Variants in INTS11 observed in about 807,000 individuals in gnomAD.
INTS11 encodes the protein CPSF3-like protein.
In INTS11, 77 loss-of-function variants were observed where a neutral mutation model predicts 78.6. The observed-to-expected ratio is 0.98, with a 90% CI of 0.81 to 1.18. INTS11 has a LOEUF of 1.18. INTS11 is among the 50% of genes most tolerant of loss of function. The probability of loss-of-function intolerance (pLI) is 0.00; values close to 1 mark genes in which losing one functional copy is unlikely to be tolerated. For missense variants in INTS11, 875 were observed against 825.9 expected, an observed-to-expected ratio of 1.06 and a Z score of -0.73; for synonymous variants, 441 against 326.9, an observed-to-expected ratio of 1.35 and a Z score of -3.77.
intron 6 of INTS11, 29 bp downstream of exon 6, chr1:1,315,374 CG>C: frequency 6.2e-7 from 1 of 1,612,840 alleles, no homozygotes; most frequent in Non-Finnish European, 8.5e-7. Flanking sequence ...GGGGGGCCCA[CG>C]GGACAAAAAG....
Position 1,312,213 on chromosome 1 carries a change from G to GCCGGGGGCCCCCCCCCCCCCCCCCCCC in INTS11, c.1607+12_1607+13insGGGGGGGGGGGGGGGGGGGGCCCCCGG. On this transcript the variant is annotated intron_variant, in intron 15 of 16. Transcript: ENST00000435064. ...CCCAAGGGAGTGGGGGGGGGGCGGG[G>GCCGGGGGCCCCCCCCCCCCCCCCCCCC]CCGGGCGCCCACCTCTTGAGGTGGC... 2 of 934,616 alleles carry GCCGGGGGCCCCCCCCCCCCCCCCCCCC rather than the reference G, an allele frequency of 2.1e-6. No individual in the cohort carries two copies. The highest frequency in any genetic ancestry group is 1.6e-6 in the Non-Finnish European group (1 of 636,664). The allele number at this position is 934,616 out of a possible 1,614,324, so 57.9% of individuals were successfully genotyped here. A position where few individuals can be genotyped will look rare whatever the true frequency, so the allele number is the denominator to read the frequency against.
At position 1,314,317 on chromosome 1, in the gene INTS11, G is replaced by A. The variant is rs1024490912; in HGVS notation, c.751C>T (p.Leu251Phe). 1.9e-6 allele frequency: 3 copies of A among 1,604,352 alleles called. No individual in the cohort carries two copies. Among genetic ancestry groups the A allele is most frequent in the African/African-American group, 1.3e-5 (1 of 74,976 alleles). ...ALGRAQELCI[L>F]LETFWERMNL... is the part of the protein sequence containing the mutation. ...GGCACCTACCAGAAGGTCTCCAGGAGGATGCAGAGCTCCTGGGCGCGGCCC... is the reference window on the plus strand; with the variant it reads ...GGCACCTACCAGAAGGTCTCCAGGAAGATGCAGAGCTCCTGGGCGCGGCCC... The change falls in exon 8 of 17, where the codon CTC becomes TTC. Residue 251 changes from leucine to phenylalanine, a missense_variant. Leu to Phe is a conservative substitution (Grantham distance 22, BLOSUM62 0). Transcript: ENST00000435064. This position sits in a 1 kb window ranked among gnomAD's most constrained non-coding sequence, Gnocchi z 4.2.
Position 1,312,135 on chromosome 1 carries a change from G to A in INTS11, c.1620C>T (p.Asp540=), listed in dbSNP as rs945229819. 1 of 1,563,276 alleles carries A rather than the reference G, an allele frequency of 6.4e-7. No homozygotes were observed. The change falls in exon 16 of 17, where the codon GAC becomes GAT. Residue 540 remains aspartate, a synonymous_variant. Coordinates refer to ENST00000435064, the MANE Select transcript of INTS11 (RefSeq NM_017871.6). The stretch of plus-strand genomic sequence containing the variant: ...CGTCTGGGAGGTGCTGCACACAGTG[G>A]TCCTTCAGGACGCTGTGGGGAGGCT... The part of the protein sequence containing the change: ...VYSHLKSVLK[D]HCVQHLPDGS...
intron 10 of INTS11, 39 bp from the exon 11 acceptor site, chr1:1,313,163 G>T: frequency 6.3e-7 from 1 of 1,581,398 alleles, no homozygotes. Context: ...GGGAACTCCA[G>T]CCTTGGCACC....
chr1:1,321,225 G>A (rs920311573), intron 1 of INTS11, 132 bp from the exon 2 acceptor site: 10 of 656,050 alleles, frequency 1.5e-5, no homozygotes, highest in African/African-American at 5.5e-5. Flanking sequence ...CATGGGCCAA[G>A]AAGCAGGGCC....
In INTS11 at chr1:1,314,686, A is replaced by G; in HGVS notation, c.702+138T>C. 2 of 1,097,912 alleles carry G rather than the reference A, an allele frequency of 1.8e-6. No homozygotes were observed. Among genetic ancestry groups the G allele is most frequent in the Non-Finnish European group, 2.6e-6 (2 of 760,398 alleles). 68.0% of individuals were successfully genotyped at this position (1,097,912 alleles called of 1,614,324 possible). ...TGAGTTTTCCTCCTCAATGTTGAGC[A>G]AATCTTCTTCCCTCCCTGCCTGAAA... On this transcript the variant is annotated intron_variant, in intron 7 of 16. Coordinates refer to ENST00000435064, the MANE Select transcript of INTS11 (RefSeq NM_017871.6). The surrounding 1 kb of genome is among the most constrained non-coding windows in gnomAD (Gnocchi z 4.2).
intron 4 of INTS11, chr1:1,319,035 C>G (rs772019191): frequency 1.4e-6 from 1 of 716,834 alleles, no homozygotes; most frequent in South Asian, 1.5e-5. Flanking sequence ...CAATGCCGCT[C>G]GGACAGAGCC....
intron 1 of INTS11, chr1:1,321,898 T>TGCCCCCCCCCCC: frequency 1.8e-6 from 2 of 1,141,968 alleles, no homozygotes; most frequent in Non-Finnish European, 2.3e-6. Flanking sequence ...TCCCCTTGAA[T>TGCCCCCCCCCCC]CCCACCCACC....
At position 1,314,017 on chromosome 1, in the gene INTS11, G is replaced by A; in HGVS notation, c.768-96C>T. The A allele has an allele frequency of 7.8e-7, 1 of 1,279,020 alleles. No individual in the cohort carries two copies. Among genetic ancestry groups the A allele is most frequent in the Non-Finnish European group, 1.1e-6 (1 of 904,744 alleles). The allele number at this position is 1,279,020 out of a possible 1,614,324, so 79.2% of individuals were successfully genotyped here. A position where few individuals can be genotyped will look rare whatever the true frequency, so the allele number is the denominator to read the frequency against. On this transcript the variant is annotated intron_variant, in intron 8 of 16. Transcript: ENST00000435064. This position sits in a 1 kb window ranked among gnomAD's most constrained non-coding sequence, Gnocchi z 4.2. ...CACCCCCAACACCCGTGTCTGCACAGCCCACGCACGGGCCAGGTTGAGTCC... is the reference window on the plus strand; with the variant it reads ...CACCCCCAACACCCGTGTCTGCACAACCCACGCACGGGCCAGGTTGAGTCC...
At chr1:1,324,316 C>T (rs1242585341) in intron 1 of INTS11, among the ~76,000 whole-genome samples, 1 of 152,044 alleles carries the variant, frequency 6.6e-6, no homozygotes, top group Non-Finnish European at 1.5e-5. Context: ...GCACAGCGAG[C>T]GCGAAGGCCC....
Position 1,315,621 on chromosome 1 carries a change from G to C in INTS11, c.430-3C>G. 1 of 1,608,344 alleles carries C rather than the reference G, an allele frequency of 6.2e-7. No individual in the cohort carries two copies. Among genetic ancestry groups the C allele is most frequent in the Non-Finnish European group, 8.5e-7 (1 of 1,177,648 alleles). ...TTGATCTCCAGCTCATCATCTACCT[G>C]TGGAGGACAGGGCTGCGCTCAGGCT... On this transcript the variant is annotated splice_polypyrimidine_tract_variant and splice_region_variant and intron_variant, in intron 4 of 16. Transcript: ENST00000435064.
rs557712856 is a variant in INTS11, at chr1:1,322,879, G to A, written c.28+1702C>T. On this transcript the variant is annotated intron_variant, in intron 1 of 16. Transcript: ENST00000435064. ...AGGGAAGCGGTGAAACAGGACTTCG[G>A]CTTTGATGATACCTTGGCTGAGGTG... The A allele has an allele frequency of 1.8e-3, 2,190 of 1,206,338 alleles. 69 individuals carry two copies. The South Asian group carries it at 0.047, about 26-fold the overall frequency. 74.7% of individuals were successfully genotyped at this position (1,206,338 alleles called of 1,614,324 possible).
At chr1:1,323,362 G>A in intron 1 of INTS11, 4 of 1,464,198 alleles carry the variant, frequency 2.7e-6, no homozygotes, top group Middle Eastern at 3.5e-4. Flanking sequence ...TGAGACCCTG[G>A]ATTTTGACTA....
At position 1,312,799 on chromosome 1, in the gene INTS11, C is replaced by A. The variant is rs1034715363; in HGVS notation, c.1282G>T (p.Glu428Ter). 6.2e-7 allele frequency: 1 copy of A among 1,608,590 alleles called. No individual in the cohort carries two copies. The highest frequency in any genetic ancestry group is 8.5e-7 in the Non-Finnish European group (1 of 1,177,642). ...KKMEFLKQKI[E>*]QELRVNCYMP... ...CCCGGCTGCCTACGGAGCTCCTGCT[C>A]GATCTTCTGCTTCAGGAACTCCATC... is the stretch of plus-strand genomic sequence containing the variant. The change falls in exon 12 of 17, where the codon GAG (glutamate) becomes TAG (stop). Residue 428 changes from glutamate (E) to a stop codon, truncating the protein, a stop_gained. Transcript: ENST00000435064. LOFTEE classifies it high-confidence loss of function.
In INTS11 at chr1:1,321,078, A is replaced by C; in HGVS notation, c.44T>G (p.Val15Gly). The C allele has an allele frequency of 1.2e-6, 2 of 1,611,696 alleles. No individual in the cohort carries two copies. The highest frequency in any genetic ancestry group is 1.7e-6 in the Non-Finnish European group (2 of 1,179,018). The change falls in exon 2 of 17, where the codon GTG (valine) becomes GGG (glycine). Residue 15 changes from valine (V) to glycine (G), a missense_variant. Coordinates refer to ENST00000435064, the MANE Select transcript of INTS11 (RefSeq NM_017871.6). ...RVTPLGAGQD[V>G]GRSCILVSIA... ...GGAGACCAGGATGCAGCTTCGGCCC[A>C]CGTCCTGGCCGGCCCCTACTCGAGG...
chr1:1,313,502 C>A lies in INTS11; in HGVS notation c.1041+7G>T, dbSNP rs1393982489. ...TTCCAGATTCCCACACCTCACCATG[C>A]CCTCACCATGTTCTTTTCGTTTCCG... On this transcript the variant is annotated splice_region_variant and intron_variant, in intron 10 of 16. Coordinates refer to ENST00000435064, the MANE Select transcript of INTS11 (RefSeq NM_017871.6). The A allele has an allele frequency of 1.9e-6, 3 of 1,612,768 alleles. No homozygotes were observed. The South Asian group carries it at 3.3e-5, about 18-fold the overall frequency.
At position 1,314,643 on chromosome 1, in the gene INTS11, TC is replaced by T. The variant is rs1389800044; in HGVS notation, c.702+180del. 18 of 791,346 alleles carry T rather than the reference TC, an allele frequency of 2.3e-5. No individual in the cohort carries two copies. In the East Asian group the frequency reaches 4.6e-4, roughly 20 times the overall value. The allele number at this position is 791,346 out of a possible 1,614,324, so 49.0% of individuals were successfully genotyped here. On this transcript the variant is annotated intron_variant, in intron 7 of 16. Coordinates refer to ENST00000435064, the MANE Select transcript of INTS11 (RefSeq NM_017871.6). This position sits in a 1 kb window ranked among gnomAD's most constrained non-coding sequence, Gnocchi z 4.2. ...ACCTGAGGTAGGAGGGAAAAGGGGCTCCCTAGGAAAGGGTCTCTGAGTTTTC... is the reference window on the plus strand; with the variant it reads ...ACCTGAGGTAGGAGGGAAAAGGGGCTCCTAGGAAAGGGTCTCTGAGTTTTC...
In INTS11 at chr1:1,320,533, G is replaced by A. The variant is rs1642882421; in HGVS notation, c.127-4C>T. The A allele has an allele frequency of 1.9e-6, 3 of 1,613,708 alleles. No homozygotes were observed. Among genetic ancestry groups the A allele is most frequent in the South Asian group, 1.1e-5 (1 of 91,088 alleles). On this transcript the variant is annotated splice_region_variant and splice_polypyrimidine_tract_variant and intron_variant, in intron 2 of 16. Coordinates refer to ENST00000435064, the MANE Select transcript of INTS11 (RefSeq NM_017871.6). ...AGGAGAAGTCAGGGAAGCGTCGCTA[G>A]GAAGGATGTGGGGGTTTCAGGTTGC...
At position 1,312,787 on chromosome 1, in the gene INTS11, G is replaced by C; in HGVS notation, c.1294C>G (p.Arg432Gly). The change falls in exon 12 of 17, where the codon CGG (arginine) becomes GGG (glycine). Residue 432 changes from arginine (R) to glycine (G), a missense_variant and splice_region_variant. Physicochemically the swap from Arg to Gly is moderately radical, Grantham distance 125 (BLOSUM62 -2). Transcript: ENST00000435064. ...FLKQKIEQEL[R>G]VNCYMPANGE... ...CCACGCCGCCCGCCCGGCTGCCTAC[G>C]GAGCTCCTGCTCGATCTTCTGCTTC... The C allele has an allele frequency of 6.2e-7, 1 of 1,606,540 alleles. No homozygotes were observed.
Sources: allele counts gnomAD v4.1 joint callset (sites outside exome capture counted in the v4.1 genomes callset), GRCh38; gene constraint gnomAD v4.1.1; non-coding constraint Gnocchi (gnomAD v3.1); transcripts MANE v1.5; gene names NCBI Gene and HGNC (gene_info 2026-07-23, HGNC 2026-07-21).